Variants in CCDC73 observed in about 807,000 individuals in gnomAD.
The protein encoded by CCDC73 is coiled-coil domain-containing protein 73.
CCDC73 carries 95 observed loss-of-function variants against 116.5 expected under a neutral mutation model. That is an observed-to-expected ratio of 0.82 (90% CI 0.69 to 0.97). The LOEUF (loss-of-function observed/expected upper bound fraction) is 0.97, where lower values mean the gene tolerates loss of function less well. Among genes scored for constraint, CCDC73 ranks in the 50% least tolerant of loss-of-function variants. The pLI is 0.00. For synonymous variants in CCDC73, 398 were observed against 401.3 expected (o/e 0.99, Z 0.10); for missense variants, 1,066 against 1,206.8 (o/e 0.88, Z 1.73).
intron 1 of CCDC73, among the ~76,000 whole-genome samples, chr11:32,770,196 T>G (rs1224281519): frequency 6.6e-6 from 1 of 152,184 alleles, no homozygotes; most frequent in African/African-American, 2.4e-5. Context: ...TTTCTTCACA[T>G]GGTTTTCACC....
chr11:32,678,119 A>C (rs1856108156), intron 7 of CCDC73, among the ~76,000 whole-genome samples: 2 of 152,002 alleles, frequency 1.3e-5, no homozygotes, highest in Admixed American at 1.3e-4. Context: ...TCTCTACTAA[A>C]AATACAAAAA....
chr11:32,731,585 C>A (rs1850078611), intron 2 of CCDC73, among the ~76,000 whole-genome samples: 1 of 152,182 alleles, frequency 6.6e-6, no homozygotes. Flanking sequence ...AACAATCAGG[C>A]AGCAACATTT....
chr11:32,634,877 C>T (rs1371960052), intron 14 of CCDC73, among the ~76,000 whole-genome samples: 1 of 152,170 alleles, frequency 6.6e-6, no homozygotes, highest in Non-Finnish European at 1.5e-5. Context: ...ATCCCAGCTA[C>T]TCAGAAGCCT....
At chr11:32,799,937 A>G in the CCDC73 span, among the ~76,000 whole-genome samples, 2 of 152,226 alleles carry the variant, frequency 1.3e-5, no homozygotes, top group Non-Finnish European at 2.9e-5. Flanking sequence ...CAGAGAATGT[A>G]TCATATTCAT....
At chr11:32,618,368 G>A (rs10835951) in intron 14 of CCDC73, among the ~76,000 whole-genome samples, 7,420 of 152,138 alleles carry the variant, frequency 0.049, 215 homozygotes, top group East Asian at 0.12. Context: ...TTGGTAGAGC[G>A]ATTTATTTTC....
At position 32,618,608 on chromosome 11, in the gene CCDC73, A is replaced by G. The variant is rs542481794; in HGVS notation, c.1186-2479T>C. On this transcript the variant is annotated intron_variant, in intron 14 of 17. Coordinates refer to ENST00000335185, the MANE Select transcript of CCDC73 (RefSeq NM_001008391.4). Reference sequence around the variant, plus strand: ...CACTTTATCGCCCAGGCTGGAGTGCAGTGATGCAATCTCAGCTCACTGCAA... The same window carrying G: ...CACTTTATCGCCCAGGCTGGAGTGCGGTGATGCAATCTCAGCTCACTGCAA... 2.0e-5 allele frequency among the ~76,000 whole-genome samples: 3 copies of G among 152,234 alleles called. No homozygotes were observed. In the South Asian group the frequency reaches 6.2e-4, roughly 32 times the overall value.
chr11:32,793,633 CAG>C (rs1850696076), intron 1 of CCDC73, among the ~76,000 whole-genome samples: 1 of 151,486 alleles, frequency 6.6e-6, no homozygotes, highest in South Asian at 2.1e-4. Context: ...TTTTTTTAGA[CAG>C]AGTCTCGCTC....
intron 3 of CCDC73, among the ~76,000 whole-genome samples, chr11:32,710,751 T>C (rs887543794): frequency 1.8e-4 from 27 of 152,200 alleles, no homozygotes; most frequent in Admixed American, 8.5e-4. Context: ...TGACCTTCTG[T>C]CTGGATGATC....
chr11:32,685,510 G>A (rs533970918), intron 6 of CCDC73, among the ~76,000 whole-genome samples: 1 of 152,148 alleles, frequency 6.6e-6, no homozygotes, highest in African/African-American at 2.4e-5. Flanking sequence ...ATAAGGCCTA[G>A]TGTGTTTAAA....
intron 3 of CCDC73, among the ~76,000 whole-genome samples, chr11:32,705,329 A>G (rs923192219): frequency 2.0e-5 from 3 of 152,010 alleles, no homozygotes; most frequent in Non-Finnish European, 4.4e-5. Flanking sequence ...TAGTGGTAAC[A>G]CCCTCTTTTG....
chr11:32,697,031 C>T (rs1856317511), intron 6 of CCDC73, among the ~76,000 whole-genome samples: 1 of 148,538 alleles, frequency 6.7e-6, no homozygotes, highest in South Asian at 2.2e-4. Context: ...GACAGGATCT[C>T]CCTATGTTGC....
At chr11:32,798,378 C>G (rs558286773), upstream of CCDC73, among the ~76,000 whole-genome samples, 7 of 152,316 alleles carry the variant, frequency 4.6e-5, no homozygotes, top group East Asian at 1.4e-3. Context: ...ACTGCAACCT[C>G]AACCTCCTGG....
chr11:32,731,156 C>T (rs1357148958), intron 2 of CCDC73, among the ~76,000 whole-genome samples: 1 of 152,194 alleles, frequency 6.6e-6, no homozygotes, highest in Non-Finnish European at 1.5e-5. Context: ...GGTCCCACAC[C>T]CACGGAGCTT....
chr11:32,670,849 G>A (rs1343637671), intron 9 of CCDC73, among the ~76,000 whole-genome samples: 1 of 152,078 alleles, frequency 6.6e-6, no homozygotes, highest in East Asian at 1.9e-4. Context: ...AGGGAGGCGG[G>A]GAGGAGAAGG....
intron 2 of CCDC73, chr11:32,758,498 G>T (rs1850363023): frequency 2.1e-5 from 10 of 465,170 alleles, no homozygotes; most frequent in South Asian, 1.6e-4. Context: ...CAGAGCCTAT[G>T]GTGGTTCCAT....
intron 6 of CCDC73, among the ~76,000 whole-genome samples, chr11:32,687,334 G>T (rs564831456): frequency 6.6e-6 from 1 of 152,250 alleles, no homozygotes; most frequent in East Asian, 1.9e-4. Context: ...TAAGTAAGGT[G>T]AGGAGGGTGA....
intron 2 of CCDC73, among the ~76,000 whole-genome samples, chr11:32,731,754 T>C (rs1015737295): frequency 2.0e-5 from 3 of 152,110 alleles, no homozygotes; most frequent in Non-Finnish European, 4.4e-5. Context: ...GAAAATCCCA[T>C]CTGTACATCA....
At chr11:32,608,865 G>A (rs1855387356) in intron 17 of CCDC73, among the ~76,000 whole-genome samples, 1 of 152,192 alleles carries the variant, frequency 6.6e-6, no homozygotes, top group South Asian at 2.1e-4. Flanking sequence ...AAGCTGCCAA[G>A]GCTTGGGGCT....
At chr11:32,664,421 G>T (rs1161469902) in intron 9 of CCDC73, among the ~76,000 whole-genome samples, 1 of 152,138 alleles carries the variant, frequency 6.6e-6, no homozygotes, top group Non-Finnish European at 1.5e-5. Context: ...GAGTGTATGT[G>T]TCCAGGAATT....
Sources: allele counts gnomAD v4.1 joint callset (sites outside exome capture counted in the v4.1 genomes callset), GRCh38; gene constraint gnomAD v4.1.1; transcripts MANE v1.5; gene names NCBI Gene and HGNC (gene_info 2026-07-23, HGNC 2026-07-21).